The following HTR2C variants were observed in gnomAD, a reference collection of about 807,000 sequenced individuals.
The protein encoded by HTR2C is 5-hydroxytryptamine receptor 2C, also known as 5-hydroxytryptamine (serotonin) receptor 2C, G protein-coupled.
A neutral mutation model predicts 21.0 loss-of-function variants in HTR2C; 5 were observed. The ratio of observed to expected loss-of-function variants is 0.24; its 90% CI spans 0.12 to 0.50. HTR2C has a LOEUF of 0.50. Ranked by LOEUF, HTR2C falls within the 20% of genes least tolerant of loss-of-function variation. The pLI, the probability that HTR2C is intolerant of heterozygous loss-of-function variation, is 0.98. For synonymous variants in HTR2C, 150 were observed against 145.3 expected, an observed-to-expected ratio of 1.03 and a Z score of -0.23; for missense variants, 271 against 371.2, an observed-to-expected ratio of 0.73 and a Z score of 2.22.
At chrX:114,598,560 G>T (rs972805931) in intron 1 of HTR2C, among the ~76,000 whole-genome samples, 2 of 111,323 alleles carry the variant, frequency 1.8e-5, no homozygotes, top group African/African-American at 6.5e-5. Context: ...CTTGCTATCA[G>T]CAAGCCCTTA....
chrX:114,785,907 G>T (rs782646757), intron 4 of HTR2C, among the ~76,000 whole-genome samples: 50 of 112,075 alleles, frequency 4.5e-4, no homozygotes, highest in Non-Finnish European at 8.8e-4. Context: ...AGCCACAGAG[G>T]TGGCAAACAT....
At chrX:114,709,591 C>A (rs1200059977) in intron 2 of HTR2C, among the ~76,000 whole-genome samples, 2 of 111,960 alleles carry the variant, frequency 1.8e-5, no homozygotes, top group African/African-American at 3.2e-5. Flanking sequence ...TGAGAGTAGT[C>A]CTGCCAGCAT....
intron 4 of HTR2C, among the ~76,000 whole-genome samples, chrX:114,739,894 C>T (rs1250454478): frequency 1.8e-5 from 2 of 110,268 alleles, no homozygotes; most frequent in African/African-American, 6.6e-5. Flanking sequence ...TCACTTGAGC[C>T]CAGGAGTTTG....
At chrX:114,847,046 A>G (rs1420394258) in intron 4 of HTR2C, among the ~76,000 whole-genome samples, 2 of 111,382 alleles carry the variant, frequency 1.8e-5, no homozygotes, top group Admixed American at 1.9e-4. Flanking sequence ...AAAAACCTCA[A>G]TTGATAACAG....
At chrX:114,869,139 G>T (rs184821817) in intron 5 of HTR2C, among the ~76,000 whole-genome samples, 1 of 111,319 alleles carries the variant, frequency 9.0e-6, no homozygotes, top group Admixed American at 9.5e-5. Context: ...ATGGTTTCCA[G>T]CTTCATTCAT....
intron 4 of HTR2C, among the ~76,000 whole-genome samples, chrX:114,830,237 G>C (rs2070709655): frequency 9.0e-6 from 1 of 111,140 alleles, no homozygotes; most frequent in African/African-American, 3.3e-5. Flanking sequence ...GTGAAGCAAA[G>C]AAATCTCTCT....
At chrX:114,699,246 CT>C (rs1427489858) in intron 2 of HTR2C, among the ~76,000 whole-genome samples, 1 of 111,999 alleles carries the variant, frequency 8.9e-6, no homozygotes, top group Non-Finnish European at 1.9e-5. Context: ...AAACACAGCT[CT>C]TTTTTCCAAT....
chrX:114,757,482 G>C (rs181645454), intron 4 of HTR2C, among the ~76,000 whole-genome samples: 290 of 111,525 alleles, frequency 2.6e-3, no homozygotes, highest in Admixed American at 4.8e-3. Flanking sequence ...ACTCCAAAAT[G>C]TATAAGGCCA....
At chrX:114,611,471 T>C (rs139940932) in intron 1 of HTR2C, among the ~76,000 whole-genome samples, 3 of 112,454 alleles carry the variant, frequency 2.7e-5, no homozygotes, top group Admixed American at 1.9e-4. Context: ...ATTTTGTACG[T>C]ATTACGTAGA....
chrX:114,763,665 G>T (rs1556433348), intron 4 of HTR2C, among the ~76,000 whole-genome samples: 1 of 110,608 alleles, frequency 9.0e-6, no homozygotes, highest in African/African-American at 3.3e-5. Flanking sequence ...AAGCTTAGCA[G>T]GTAACTTGTC....
In HTR2C at chrX:114,906,656, G is replaced by T. The variant is rs782231891; in HGVS notation, c.618G>T (p.Thr206=). 3 of 1,211,158 alleles carry T rather than the reference G, an allele frequency of 2.5e-6. No homozygotes were observed. The South Asian group carries it at 5.3e-5, about 21-fold the overall frequency. Residue 206 remains threonine, a synonymous_variant, in exon 6 of 6, where the codon ACG becomes ACT. Transcript: ENST00000276198. ...DEEKVFVNNT[T]CVLNDPNFVL... ...AAAAGGTGTTCGTGAACAACACGACGTGCGTGCTCAACGACCCAAATTTCG... is the reference window on the plus strand; with the variant it reads ...AAAAGGTGTTCGTGAACAACACGACTTGCGTGCTCAACGACCCAAATTTCG...
chrX:114,663,288 A>C (rs1931057905), intron 2 of HTR2C, among the ~76,000 whole-genome samples: 1 of 111,280 alleles, frequency 9.0e-6, no homozygotes, highest in Admixed American at 9.6e-5. Context: ...GCACTGTTTC[A>C]TTGAGGAGAG....
chrX:114,728,596 T>C (rs189263310), intron 3 of HTR2C, among the ~76,000 whole-genome samples: 5 of 111,138 alleles, frequency 4.5e-5, no homozygotes, highest in Middle Eastern at 5.2e-3. Flanking sequence ...CTAACACCAT[T>C]ACCTTATTTT....
chrX:114,648,511 T>A (rs1930441818), intron 2 of HTR2C, among the ~76,000 whole-genome samples: 1 of 111,530 alleles, frequency 9.0e-6, no homozygotes, highest in Admixed American at 9.5e-5. Context: ...GAAGATTGCT[T>A]GAGCCCAGGT....
intron 4 of HTR2C, among the ~76,000 whole-genome samples, chrX:114,836,426 CG>C (rs2070784595): frequency 1.8e-5 from 2 of 112,588 alleles, no homozygotes; most frequent in South Asian, 7.3e-4. Flanking sequence ...TTTTTTAAGC[CG>C]GTCGGAAAAG....
chrX:114,685,255 T>C (rs949558304), intron 2 of HTR2C, among the ~76,000 whole-genome samples: 1 of 112,075 alleles, frequency 8.9e-6, no homozygotes, highest in Admixed American at 9.5e-5. Context: ...TATTAATAGT[T>C]TCTAAATGTC....
intron 4 of HTR2C, among the ~76,000 whole-genome samples, chrX:114,759,414 A>G (rs988339928): frequency 3.2e-4 from 36 of 111,423 alleles, no homozygotes; most frequent in Admixed American, 3.2e-3. Flanking sequence ...CTAGTAACAC[A>G]TTGTAAGGTT....
intron 2 of HTR2C, among the ~76,000 whole-genome samples, chrX:114,662,850 A>C (rs1158527476): frequency 4.5e-5 from 5 of 111,884 alleles, no homozygotes; most frequent in Admixed American, 2.9e-4. Flanking sequence ...AATGTATACA[A>C]TAGTATTGCC....
chrX:114,734,179 T>G (rs1326459800), intron 4 of HTR2C, among the ~76,000 whole-genome samples: 1 of 110,912 alleles, frequency 9.0e-6, no homozygotes, highest in African/African-American at 3.3e-5. Flanking sequence ...ATATGAAGCT[T>G]AATAAGGAGT....
Sources: gnomAD v4.1 joint callset for allele counts (sites outside exome capture counted in the v4.1 genomes callset) on GRCh38, gnomAD v4.1.1 for gene constraint, MANE v1.5 for transcripts, NCBI Gene and HGNC (gene_info 2026-07-23, HGNC 2026-07-21) for gene names.